The following SRD5A3 variants were observed in gnomAD, a reference collection of about 807,000 sequenced individuals.
SRD5A3 encodes steroid 5 alpha-reductase 3, also known as polyprenal reductase.
A neutral mutation model predicts 34.3 loss-of-function variants in SRD5A3; 24 were observed. The ratio of observed to expected loss-of-function variants is 0.70; its 90% CI spans 0.51 to 0.99. The LOEUF is 0.99. SRD5A3 is among the 50% of genes least tolerant of loss of function. SRD5A3 has a pLI of 0.00. For missense variants in SRD5A3, 350 were observed against 388.2 expected (o/e 0.90, Z 0.83); for synonymous variants, 161 against 167.3 (o/e 0.96, Z 0.29).
intron 4 of SRD5A3, among the ~76,000 whole-genome samples, chr4:55,368,379 A>T (rs956449016): frequency 2.7e-5 from 4 of 149,238 alleles, no homozygotes; most frequent in African/African-American, 9.9e-5. Context: ...ACTGTCTCAA[A>T]AAAAAAAATT....
chr4:55,347,403 C>T (rs561999629), intron 1 of SRD5A3, among the ~76,000 whole-genome samples: 47 of 152,164 alleles, frequency 3.1e-4, no homozygotes, highest in Non-Finnish European at 6.5e-4. Flanking sequence ...CTGAGGCAGG[C>T]GGATCGCTTG....
chr4:55,364,382 C>A, intron 3 of SRD5A3, 111 bp downstream of exon 3: 1 of 1,273,006 alleles, frequency 7.9e-7, no homozygotes, highest in Non-Finnish European at 1.1e-6. Context: ...GAGACAGGCC[C>A]AATGCATTTT....
chr4:55,368,826 C>T (rs1720010327), intron 4 of SRD5A3, among the ~76,000 whole-genome samples: 1 of 152,052 alleles, frequency 6.6e-6, no homozygotes, highest in Non-Finnish European at 1.5e-5. Flanking sequence ...GCAACCTCCG[C>T]TTCCTGGATC....
intron 1 of SRD5A3, chr4:55,352,036 G>C: frequency 1.3e-6 from 1 of 768,318 alleles, no homozygotes; most frequent in Admixed American, 1.7e-5. Context: ...TTGGATCCTT[G>C]GTGATCCTTA....
intron 1 of SRD5A3, chr4:55,351,847 A>C: frequency 1.8e-6 from 1 of 564,650 alleles, no homozygotes; most frequent in Non-Finnish European, 3.5e-6. Context: ...TCTGGCATTC[A>C]TTCAATGTTG....
intron 1 of SRD5A3, among the ~76,000 whole-genome samples, chr4:55,358,360 A>G (rs1336220208): frequency 6.6e-6 from 1 of 151,932 alleles, no homozygotes; most frequent in Admixed American, 6.6e-5. Flanking sequence ...GGGAGATCAC[A>G]TCTCTATAAA....
intron 4 of SRD5A3, 190 bp from the exon 5 acceptor site, chr4:55,369,642 G>A (rs1720045288): frequency 1.6e-6 from 1 of 638,886 alleles, no homozygotes; most frequent in African/African-American, 1.8e-5. Flanking sequence ...GAGATGGGAG[G>A]ATTGCCTGGG....
intron 2 of SRD5A3, among the ~76,000 whole-genome samples, chr4:55,362,468 T>C (rs957899026): frequency 1.6e-4 from 24 of 152,120 alleles, no homozygotes; most frequent in Non-Finnish European, 3.2e-4. Flanking sequence ...TTTTTCTTTT[T>C]TTAAGAGAGA....
At chr4:55,353,281 A>G (rs1719269102) in intron 1 of SRD5A3, among the ~76,000 whole-genome samples, 2 of 152,218 alleles carry the variant, frequency 1.3e-5, no homozygotes, top group South Asian at 4.1e-4. Flanking sequence ...AAAACACACA[A>G]ATCAGCGCTC....
chr4:55,371,308 G>C lies in SRD5A3; in HGVS notation c.*1217G>C, dbSNP rs913942991. The C allele has an allele frequency of 1.9e-4, 29 of 152,254 alleles. No homozygotes were observed. Among genetic ancestry groups the C allele is most frequent in the African/African-American group, 7.0e-4 (29 of 41,528 alleles). 9.4% of individuals were successfully genotyped at this position (152,254 alleles called of 1,614,324 possible). A position where few individuals can be genotyped will look rare whatever the true frequency, so the allele number is the denominator to read the frequency against. ...AGGAATAAAGTTTATACTTAAAATA[G>C]CTTATGTTAAAGAAAATACCTGTGA... On this transcript the variant is annotated 3_prime_UTR_variant, in exon 5 of 5. Transcript: ENST00000264228.
intron 1 of SRD5A3, among the ~76,000 whole-genome samples, chr4:55,357,864 G>A (rs1719528650): frequency 6.6e-6 from 1 of 152,204 alleles, no homozygotes; most frequent in Non-Finnish European, 1.5e-5. Context: ...GCATCACCAT[G>A]CCTGGCCAGT....
chr4:55,370,523 A>G lies in SRD5A3; in HGVS notation c.*432A>G, dbSNP rs1334991849. 1 of 208,176 alleles carries G rather than the reference A, an allele frequency of 4.8e-6. No individual in the cohort carries two copies. The highest frequency in any genetic ancestry group is 9.7e-6 in the Non-Finnish European group (1 of 102,730). The allele number at this position is 208,176 out of a possible 1,614,324, so 12.9% of individuals were successfully genotyped here. ...TAGCCTAGTAGGAATGGACTATATA[A>G]TAATATAGCAGGTGCTCAATAACTG... On this transcript the variant is annotated 3_prime_UTR_variant, in exon 5 of 5. Transcript: ENST00000264228.
chr4:55,355,712 CAAT>C (rs1560368184), intron 1 of SRD5A3, among the ~76,000 whole-genome samples: 140 of 152,208 alleles, frequency 9.2e-4, no homozygotes, highest in African/African-American at 3.2e-3. Flanking sequence ...CATGAAAGCA[CAAT>C]AGTATGATTT....
intron 1 of SRD5A3, among the ~76,000 whole-genome samples, chr4:55,358,743 G>A (rs868734640): frequency 6.6e-6 from 1 of 152,144 alleles, no homozygotes; most frequent in Admixed American, 6.5e-5. Context: ...GTAGTTGTCT[G>A]AGAATTATAA....
chr4:55,365,072 C>T (rs1476023062), intron 3 of SRD5A3, among the ~76,000 whole-genome samples: 1 of 152,130 alleles, frequency 6.6e-6, no homozygotes, highest in Non-Finnish European at 1.5e-5. Flanking sequence ...GAATTCAAGT[C>T]GCTTGGGGTG....
At chr4:55,359,600 C>G in intron 2 of SRD5A3, 112 bp downstream of exon 2, 1 of 1,427,544 alleles carries the variant, frequency 7.0e-7, no homozygotes, top group Non-Finnish European at 9.6e-7. Context: ...CTCAGAAGGG[C>G]CTGGGAAGTG....
intron 1 of SRD5A3, among the ~76,000 whole-genome samples, chr4:55,353,359 T>G (rs2109464839): frequency 6.6e-6 from 1 of 152,272 alleles, no homozygotes; most frequent in African/African-American, 2.4e-5. Flanking sequence ...CAGCGCTCTG[T>G]GTCTAGCTAA....
At chr4:55,354,131 C>T (rs1320220055) in intron 1 of SRD5A3, among the ~76,000 whole-genome samples, 1 of 152,130 alleles carries the variant, frequency 6.6e-6, no homozygotes, top group African/African-American at 2.4e-5. Flanking sequence ...GAGTCTTGCT[C>T]TGTTGCCCAG....
At chr4:55,363,220 G>A (rs937058891) in intron 2 of SRD5A3, among the ~76,000 whole-genome samples, 10 of 152,066 alleles carry the variant, frequency 6.6e-5, no homozygotes, top group African/African-American at 1.9e-4. Context: ...GGAGGCTGAG[G>A]CTGGAGGATG....
Sources: allele counts gnomAD v4.1 joint callset (sites outside exome capture counted in the v4.1 genomes callset), GRCh38; gene constraint gnomAD v4.1.1; transcripts MANE v1.5; gene names NCBI Gene and HGNC (gene_info 2026-07-23, HGNC 2026-07-21).